Variants in ARK2N observed in about 807,000 individuals in gnomAD.
ARK2N encodes protein ARK2N.
At chr18:46,266,149 T>C in the ARK2N span, 2 of 152,278 alleles carry the variant, frequency 1.3e-5, no homozygotes, top group Non-Finnish European at 2.9e-5. Context: ...TTATCAATTA[T>C]GAATATGAAT....
At chr18:46,179,997 G>A in the ARK2N span, among the ~76,000 whole-genome samples, 2 of 152,070 alleles carry the variant, frequency 1.3e-5, no homozygotes, top group Admixed American at 6.6e-5. Flanking sequence ...CAGATTTATC[G>A]GAACATATTT....
chr18:46,239,605 T>G, the ARK2N span, among the ~76,000 whole-genome samples: 33 of 152,240 alleles, frequency 2.2e-4, 1 homozygote, highest in Non-Finnish European at 4.0e-4. Flanking sequence ...AGAACTAGAT[T>G]CATTCTTTTA....
At chr18:46,259,813 T>TGTGTGTGTGTG in the ARK2N span, among the ~76,000 whole-genome samples, 22 of 145,270 alleles carry the variant, frequency 1.5e-4, no homozygotes, top group African/African-American at 2.1e-4. Flanking sequence ...TGTGTGTGTG[T>TGTGTGTGTGTG]TTGACAGAGA....
chr18:46,256,926 T>C, the ARK2N span, among the ~76,000 whole-genome samples: 1 of 152,228 alleles, frequency 6.6e-6, no homozygotes, highest in Non-Finnish European at 1.5e-5. Flanking sequence ...GCTTTCTTGT[T>C]GGTTGCTTCA....
At chr18:46,261,712 C>T in the ARK2N span, among the ~76,000 whole-genome samples, 1 of 152,172 alleles carries the variant, frequency 6.6e-6, no homozygotes, top group South Asian at 2.1e-4. Flanking sequence ...TGACGGGCTT[C>T]TGGTACTGTA....
the ARK2N span, among the ~76,000 whole-genome samples, chr18:46,182,479 C>A: frequency 6.0e-4 from 91 of 152,224 alleles, no homozygotes; most frequent in African/African-American, 2.1e-3. Flanking sequence ...CATGGTAGCT[C>A]ACACCTGTAA....
At chr18:46,239,901 G>T in the ARK2N span, 2 of 1,045,512 alleles carry the variant, frequency 1.9e-6, no homozygotes, top group Non-Finnish European at 2.9e-6. Flanking sequence ...TTTCTGATGA[G>T]ATAGAATAAT....
At chr18:46,254,752 T>C in the ARK2N span, among the ~76,000 whole-genome samples, 1 of 152,246 alleles carries the variant, frequency 6.6e-6, no homozygotes, top group East Asian at 1.9e-4. Context: ...AGATATGTAC[T>C]GTCTGAAAAG....
the ARK2N span, among the ~76,000 whole-genome samples, chr18:46,251,407 C>G: frequency 6.6e-6 from 1 of 152,084 alleles, no homozygotes; most frequent in Non-Finnish European, 1.5e-5. Context: ...TGAATGCCAC[C>G]TTTTGTATGC....
At chr18:46,193,688 TC>T in the ARK2N span, among the ~76,000 whole-genome samples, 1 of 150,412 alleles carries the variant, frequency 6.6e-6, no homozygotes, top group Non-Finnish European at 1.5e-5. Flanking sequence ...AACCTGCACT[TC>T]CTGGGTTCAA....
the ARK2N span, among the ~76,000 whole-genome samples, chr18:46,214,481 A>G: frequency 6.6e-6 from 1 of 152,232 alleles, no homozygotes; most frequent in Non-Finnish European, 1.5e-5. Context: ...TGGTCTTTGA[A>G]TGATGTCCTT....
chr18:46,196,083 C>T, the ARK2N span, among the ~76,000 whole-genome samples: 4 of 151,856 alleles, frequency 2.6e-5, no homozygotes, highest in Non-Finnish European at 4.4e-5. Context: ...CGGGTTCAAG[C>T]GATTCTCCTG....
chr18:46,201,262 A>G, the ARK2N span, among the ~76,000 whole-genome samples: 1 of 151,990 alleles, frequency 6.6e-6, no homozygotes, highest in African/African-American at 2.4e-5. Context: ...TAGGATTGCA[A>G]ACGTGATCTA....
At chr18:46,198,310 CAAAAAAA>C in the ARK2N span, among the ~76,000 whole-genome samples, 1 of 69,114 alleles carries the variant, frequency 1.4e-5, no homozygotes, top group South Asian at 6.1e-4. Context: ...ACTCCATCTC[CAAAAAAA>C]AAAAAAAAAA....
chr18:46,202,848 GC>G, the ARK2N span, among the ~76,000 whole-genome samples: 3 of 148,014 alleles, frequency 2.0e-5, no homozygotes, highest in Non-Finnish European at 3.0e-5. Context: ...TGATATTCCT[GC>G]CCATTTCTTT....
the ARK2N span, among the ~76,000 whole-genome samples, chr18:46,179,572 A>G: frequency 3.9e-5 from 6 of 152,024 alleles, no homozygotes; most frequent in Non-Finnish European, 7.4e-5. Context: ...TTGTAAAAGT[A>G]AGGAGCAGGA....
At chr18:46,197,843 T>C in the ARK2N span, among the ~76,000 whole-genome samples, 10 of 152,368 alleles carry the variant, frequency 6.6e-5, no homozygotes, top group East Asian at 5.8e-4. Context: ...GGACTTATGA[T>C]TCTGCATGAT....
chr18:46,247,679 TATTG>T, the ARK2N span, among the ~76,000 whole-genome samples: 1 of 152,202 alleles, frequency 6.6e-6, no homozygotes, highest in Admixed American at 6.5e-5. Flanking sequence ...CTTGGTTGCT[TATTG>T]ATTGATTGAG....
chr18:46,255,445 C>CTTTTTTTTT, the ARK2N span, among the ~76,000 whole-genome samples: 31 of 77,710 alleles, frequency 4.0e-4, no homozygotes, highest in African/African-American at 4.9e-4. Context: ...CTTTTCTTTT[C>CTTTTTTTTT]TTTTTTTTTT....
Sources: gnomAD v4.1 joint callset for allele counts (sites outside exome capture counted in the v4.1 genomes callset) on GRCh38, gnomAD v4.1.1 for gene constraint, MANE v1.5 for transcripts, NCBI Gene and HGNC (gene_info 2026-07-23, HGNC 2026-07-21) for gene names.